LRP2: variants seen among roughly 807,000 people sequenced by gnomAD.
LRP2 encodes the protein low-density lipoprotein receptor-related protein 2.
A neutral mutation model predicts 531.0 loss-of-function variants in LRP2; 172 were observed. The observed-to-expected ratio is 0.32, with a 90% CI of 0.29 to 0.37. The LOEUF (loss-of-function observed/expected upper bound fraction) is 0.37, where lower values mean the gene tolerates loss of function less well. Ranked by LOEUF, LRP2 falls within the 10% of genes least tolerant of loss-of-function variation. The probability of loss-of-function intolerance (pLI) is 1.00; values close to 1 mark genes in which losing one functional copy is unlikely to be tolerated. For synonymous variants in LRP2, 1,992 were observed against 2,027.6 expected (o/e 0.98, Z 0.47); for missense variants, 5,167 against 5,868.3 (o/e 0.88, Z 3.90).
chr2:169,256,292 T>A, intron 18 of LRP2, 56 bp from the exon 19 acceptor site: 1 of 1,498,354 alleles, frequency 6.7e-7, no homozygotes, highest in South Asian at 1.2e-5. Context: ...GAGCACCCTT[T>A]ACACAAAGGG....
intron 1 of LRP2, among the ~76,000 whole-genome samples, chr2:169,360,800 A>G (rs1469677828): frequency 1.3e-5 from 2 of 152,158 alleles, no homozygotes; most frequent in Admixed American, 1.3e-4. Context: ...GGGGTTTGTT[A>G]GGGTTTCCAA....
At chr2:169,353,855 C>G (rs3909274) in intron 1 of LRP2, among the ~76,000 whole-genome samples, 150,904 of 152,216 alleles carry the variant, frequency 0.99, 74,820 homozygotes, top group East Asian at 1. Context: ...ACTGTGAGTG[C>G]TGGTATGTGT....
intron 63 of LRP2, among the ~76,000 whole-genome samples, chr2:169,160,444 A>G (rs1686534505): frequency 6.6e-6 from 1 of 152,066 alleles, no homozygotes; most frequent in South Asian, 2.1e-4. Flanking sequence ...GCTTTTGGAG[A>G]AGAAGAAGAT....
rs760071467 is a variant in LRP2 at position 169,206,449 on chromosome 2, A to G, written c.7271T>C (p.Leu2424Pro). The G allele has an allele frequency of 1.2e-6, 2 of 1,613,756 alleles. No individual in the cohort carries two copies. The highest frequency in any genetic ancestry group is 2.2e-5 in the South Asian group (2 of 91,068). Residue 2424 changes from leucine (L) to proline (P), a missense_variant, in exon 39 of 79, where the codon CTA (leucine) becomes CCA (proline). Around this residue, in one of 6 missense-constraint regions of LRP2, gnomAD observed 2,811 missense variants for 3,058.0 expected, o/e 0.92. Coordinates refer to ENST00000649046, the MANE Select transcript of LRP2 (RefSeq NM_004525.3). The stretch of plus-strand genomic sequence containing the variant: ...TCTATCACTTACACTGTCATAGTCT[A>G]GAGACATGACAGTTCTTTCCACATT... Reference protein sequence around the residue: ...TINVERTVMSLDYDSVSDRIY... With the variant: ...TINVERTVMSPDYDSVSDRIY...
At chr2:169,198,956 A>C in intron 44 of LRP2, 45 bp from the exon 45 acceptor site, 1 of 1,594,374 alleles carries the variant, frequency 6.3e-7, no homozygotes, top group Non-Finnish European at 8.6e-7. Context: ...TATCCACCAA[A>C]TATGTATTAT....
At chr2:169,188,287 C>A (rs754858044) in intron 48 of LRP2, 22 bp from the exon 49 acceptor site, 2 of 1,613,304 alleles carry the variant, frequency 1.2e-6, no homozygotes, top group Non-Finnish European at 1.7e-6. Flanking sequence ...GATCCAGTAC[C>A]ACTTTCAGAG....
intron 62 of LRP2, 82 bp from the exon 63 acceptor site, chr2:169,162,682 G>A (rs1267061533): frequency 1.5e-5 from 21 of 1,435,102 alleles, no homozygotes; most frequent in Non-Finnish European, 2.0e-5. Flanking sequence ...GACAGTTTGT[G>A]CTTACCAAAT....
At chr2:169,149,027 A>G (rs1225312915) in intron 68 of LRP2, among the ~76,000 whole-genome samples, 2 of 152,154 alleles carry the variant, frequency 1.3e-5, no homozygotes, top group African/African-American at 2.4e-5. Context: ...GAACTATCAC[A>G]GTGTTTTTCA....
chr2:169,187,348 T>C (rs1687669921), intron 49 of LRP2, among the ~76,000 whole-genome samples: 1 of 152,062 alleles, frequency 6.6e-6, no homozygotes, highest in Admixed American at 6.6e-5. Context: ...AATGAACAAG[T>C]GGAATAAAGA....
At chr2:169,289,274 C>T (rs1683940445) in intron 8 of LRP2, 129 bp from the exon 9 acceptor site, 1 of 1,205,462 alleles carries the variant, frequency 8.3e-7, no homozygotes, top group East Asian at 2.4e-5. Context: ...AATCTGTCAC[C>T]CTTCAAAGCT....
chr2:169,216,487 G>T (rs1688800009), intron 34 of LRP2, 57 bp from the exon 35 acceptor site: 1 of 1,534,236 alleles, frequency 6.5e-7, no homozygotes, highest in South Asian at 1.1e-5. Context: ...TTGAGTCAGT[G>T]ACATAAATGA....
At chr2:169,287,825 G>T (rs1683897773) in intron 9 of LRP2, among the ~76,000 whole-genome samples, 1 of 142,030 alleles carries the variant, frequency 7.0e-6, no homozygotes, top group South Asian at 2.3e-4. Context: ...TTACCAAATA[G>T]TTCTAAAATA....
chr2:169,165,993 A>T lies in LRP2; in HGVS notation c.11697T>A (p.Ser3899Arg). 6.2e-7 allele frequency: 1 copy of T among 1,614,086 alleles called. No homozygotes were observed. Among genetic ancestry groups the T allele is most frequent in the Non-Finnish European group, 8.5e-7 (1 of 1,179,942 alleles). ...FRCDNNRCIY[S>R]HEVCNGVDDC... ...CATCCACACCATTGCACACCTCATGACTATAAATGCAGCGATTGTTGTCAC... is the reference window on the plus strand; with the variant it reads ...CATCCACACCATTGCACACCTCATGTCTATAAATGCAGCGATTGTTGTCAC... Residue 3899 changes from serine to arginine, a missense_variant, in exon 62 of 79, where the codon AGT becomes AGA. This residue lies in a region of LRP2 where 564 missense variants were observed against 747.7 expected (regional missense o/e 0.75). Transcript: ENST00000649046.
chr2:169,168,609 G>A lies in LRP2; in HGVS notation c.11565C>T (p.Ile3855=). ...TMFECKNHVC[I]PPYWKCDGDD... is the part of the protein sequence containing the mutation. The stretch of plus-strand genomic sequence containing the variant: ...CGCCATCACATTTCCAATATGGCGG[G>A]ATACAAACATGGTTTTTGCATTCGA... The change falls in exon 61 of 79, where the codon ATC becomes ATT. Residue 3855 remains isoleucine (I), a synonymous_variant. Transcript: ENST00000649046. 1 of 1,614,012 alleles carries A rather than the reference G, an allele frequency of 6.2e-7. No homozygotes were observed. The highest frequency in any genetic ancestry group is 1.1e-5 in the South Asian group (1 of 91,070).
At chr2:169,209,340 A>C (rs1435503009) in intron 38 of LRP2, 113 bp downstream of exon 38, 1 of 947,876 alleles carries the variant, frequency 1.1e-6, no homozygotes, top group African/African-American at 1.6e-5. Flanking sequence ...AAATGGTCTT[A>C]ATAATTGTCT....
At chr2:169,330,353 G>A (rs1685232155) in intron 1 of LRP2, among the ~76,000 whole-genome samples, 1 of 152,150 alleles carries the variant, frequency 6.6e-6, no homozygotes, top group Non-Finnish European at 1.5e-5. Context: ...GCAGCAGAAT[G>A]AGATGTACTA....
At chr2:169,201,956 C>T (rs933944148) in intron 43 of LRP2, 86 bp from the exon 44 acceptor site, 1 of 1,547,916 alleles carries the variant, frequency 6.5e-7, no homozygotes, top group African/African-American at 1.4e-5. Flanking sequence ...ATAAAAGAGA[C>T]ACTTTGAATT....
At chr2:169,343,850 T>C (rs1013895813) in intron 1 of LRP2, among the ~76,000 whole-genome samples, 19 of 152,198 alleles carry the variant, frequency 1.2e-4, no homozygotes, top group African/African-American at 4.6e-4. Flanking sequence ...TGGCTTCAGC[T>C]CAGTTTCACA....
At chr2:169,157,335 T>C (rs2105362910) in intron 64 of LRP2, 36 bp downstream of exon 64, 1 of 1,609,664 alleles carries the variant, frequency 6.2e-7, no homozygotes. Context: ...AGATGTAAAG[T>C]TCACCTAAAC....
Sources: gnomAD v4.1 joint callset for allele counts (sites outside exome capture counted in the v4.1 genomes callset) on GRCh38, gnomAD v4.1.1 for gene constraint, gnomAD v4.1.1 regional missense constraint, MANE v1.5 for transcripts, NCBI Gene and HGNC (gene_info 2026-07-23, HGNC 2026-07-21) for gene names.